The following E2F7 variants were observed in gnomAD, a reference collection of about 807,000 sequenced individuals.
E2F7 encodes the protein E2F transcription factor 7.
A neutral mutation model predicts 81.1 loss-of-function variants in E2F7; 35 were observed. That is an observed-to-expected ratio of 0.43 (90% CI 0.33 to 0.57). The LOEUF is 0.57. E2F7 is among the 20% of genes least tolerant of loss of function. E2F7 has a pLI of 0.04. For synonymous variants in E2F7, 416 were observed against 416.2 expected (o/e 1.00, Z 0.01); for missense variants, 961 against 1,093.7 (o/e 0.88, Z 1.71).
chr12:77,051,955 T>C (rs552508492), intron 3 of E2F7, among the ~76,000 whole-genome samples: 7 of 152,316 alleles, frequency 4.6e-5, no homozygotes, highest in East Asian at 3.9e-4. Flanking sequence ...TTTTAGAATT[T>C]AGCAAGGTAG....
Position 77,055,997 on chromosome 12 carries a change from T to C in E2F7, c.227A>G (p.Gln76Arg), listed in dbSNP as rs762751591. 1 of 1,614,244 alleles carries C rather than the reference T, an allele frequency of 6.2e-7. No individual in the cohort carries two copies. Among genetic ancestry groups the C allele is most frequent in the South Asian group, 1.1e-5 (1 of 91,090 alleles). ...PITPVKFVDR[Q>R]QAEPWTPTAN... ...TGTGGGTGTCCATGGTTCCGCTTGCTGTCTGTCAACAAACTTAACTGGAGT... is the reference window on the plus strand; with the variant it reads ...TGTGGGTGTCCATGGTTCCGCTTGCCGTCTGTCAACAAACTTAACTGGAGT... The change falls in exon 3 of 13, where the codon CAG becomes CGG. Residue 76 changes from glutamine to arginine, a missense_variant. Coordinates refer to ENST00000322886, the MANE Select transcript of E2F7 (RefSeq NM_203394.3).
At chr12:77,027,768 T>C (rs1665222613) in intron 11 of E2F7, 115 bp downstream of exon 11, 1 of 1,395,976 alleles carries the variant, frequency 7.2e-7, no homozygotes, top group African/African-American at 1.5e-5. Context: ...AAGAGTAAAA[T>C]GACTCAGGCA....
At chr12:77,059,960 CAAAAA>C (rs59663589) in intron 2 of E2F7, among the ~76,000 whole-genome samples, 1 of 77,216 alleles carries the variant, frequency 1.3e-5, no homozygotes. Context: ...GATTCTGTCT[CAAAAA>C]AAAAAAAAAA....
At chr12:77,045,026 AT>A (rs1954927165) in intron 5 of E2F7, among the ~76,000 whole-genome samples, 2 of 152,202 alleles carry the variant, frequency 1.3e-5, no homozygotes, top group South Asian at 4.1e-4. Flanking sequence ...TGAGATGCAT[AT>A]TTTAAACCAC....
At chr12:77,045,062 T>TATA (rs951544487) in intron 5 of E2F7, among the ~76,000 whole-genome samples, 11 of 152,196 alleles carry the variant, frequency 7.2e-5, no homozygotes, top group African/African-American at 2.7e-4. Flanking sequence ...TTATACTTCC[T>TATA]ATAATAGAAT....
At position 77,033,965 on chromosome 12, in the gene E2F7, C is replaced by T; in HGVS notation, c.1201G>A (p.Ala401Thr). ...CCATGGCGAGCCAGCTTCTGTTTTG[C>T]ACAGACTTGAATCTGGCCATATGTT... ...RETYGQIQVC[A>T]KQKLARHGSF... Residue 401 changes from alanine (A) to threonine (T), a missense_variant, in exon 8 of 13, where the codon GCA (alanine) becomes ACA (threonine). Physicochemically the swap from Ala to Thr is moderately conservative, Grantham distance 58 (BLOSUM62 0). Coordinates refer to ENST00000322886, the MANE Select transcript of E2F7 (RefSeq NM_203394.3). The T allele has an allele frequency of 1.9e-6, 3 of 1,614,194 alleles. No homozygotes were observed. The highest frequency in any genetic ancestry group is 1.3e-5 in the African/African-American group (1 of 75,048).
chr12:77,034,040 C>T lies in E2F7; in HGVS notation c.1126G>A (p.Glu376Lys), dbSNP rs572030615. The T allele has an allele frequency of 6.2e-7, 1 of 1,611,204 alleles. No homozygotes were observed. Among genetic ancestry groups the T allele is most frequent in the East Asian group, 2.2e-5 (1 of 44,836 alleles). Residue 376 changes from glutamate (E) to lysine (K), a missense_variant and splice_region_variant, in exon 8 of 13, where the codon GAA (glutamate) becomes AAA (lysine). Around this residue, in one of 3 missense-constraint regions of E2F7, gnomAD observed 301 missense variants for 405.0 expected, o/e 0.74. Transcript: ENST00000322886. ...GATGCAGAAACATCCACCAGTTCTT[C>T]ATCTACATAAACGAGAGAATTGGTA... ...IGPVDFSSSDEELVDVSASVL... is the reference protein window; with the variant it reads ...IGPVDFSSSDKELVDVSASVL...
At chr12:77,044,602 T>C (rs1229049536) in intron 6 of E2F7, 35 bp downstream of exon 6, 2 of 1,605,594 alleles carry the variant, frequency 1.2e-6, no homozygotes, top group Non-Finnish European at 1.7e-6. Flanking sequence ...CCACCCTTTA[T>C]GTGCTAGTAA....
chr12:77,060,302 G>A (rs1159198471), intron 2 of E2F7, among the ~76,000 whole-genome samples: 1 of 152,054 alleles, frequency 6.6e-6, no homozygotes, highest in Non-Finnish European at 1.5e-5. Flanking sequence ...ACCTACCATA[G>A]AGTTGCTGTG....
At chr12:77,052,649 C>T (rs560347871) in intron 3 of E2F7, among the ~76,000 whole-genome samples, 2 of 151,918 alleles carry the variant, frequency 1.3e-5, no homozygotes, top group East Asian at 3.9e-4. Context: ...TCTTCAGACA[C>T]AAAAAACATT....
At chr12:77,042,984 C>G (rs553206342) in intron 7 of E2F7, 81 bp downstream of exon 7, 1 of 1,598,650 alleles carries the variant, frequency 6.3e-7, no homozygotes, top group Admixed American at 1.7e-5. Flanking sequence ...ATCAGTCTCA[C>G]TGTGTAGTAG....
intron 7 of E2F7, among the ~76,000 whole-genome samples, chr12:77,042,429 C>T (rs1565903323): frequency 3.9e-5 from 6 of 152,160 alleles, no homozygotes; most frequent in Admixed American, 2.6e-4. Flanking sequence ...TTTTCCCAGG[C>T]AGTACAGCTA....
At chr12:77,027,432 G>A (rs774821860) in intron 11 of E2F7, among the ~76,000 whole-genome samples, 3 of 151,660 alleles carry the variant, frequency 2.0e-5, no homozygotes, top group Non-Finnish European at 4.4e-5. Context: ...TGAGGATGAA[G>A]AATACTTAAG....
chr12:77,027,866 A>T lies in E2F7; in HGVS notation c.2140+17T>A, dbSNP rs1483107240. 6.2e-7 allele frequency: 1 copy of T among 1,613,112 alleles called. No individual in the cohort carries two copies. The highest frequency in any genetic ancestry group is 1.7e-5 in the Admixed American group (1 of 59,794). ...TGACTGCCGCAAGGGACTCTAAGAC[A>T]TGATGACATCCCTTACCTGCAGGAG... On this transcript the variant is annotated intron_variant, in intron 11 of 12. Coordinates refer to ENST00000322886, the MANE Select transcript of E2F7 (RefSeq NM_203394.3).
intron 6 of E2F7, 189 bp downstream of exon 6, chr12:77,044,448 G>T: frequency 1.5e-6 from 1 of 657,364 alleles, no homozygotes. Flanking sequence ...GGCACTGACA[G>T]GACTCTAAGC....
chr12:77,034,929 T>C (rs1230452283), intron 7 of E2F7, among the ~76,000 whole-genome samples: 5 of 152,126 alleles, frequency 3.3e-5, no homozygotes, highest in Non-Finnish European at 7.4e-5. Flanking sequence ...AAAGCCCAAT[T>C]AGAAAAATCA....
chr12:77,030,965 T>C (rs901810651), intron 9 of E2F7, among the ~76,000 whole-genome samples: 3 of 152,216 alleles, frequency 2.0e-5, no homozygotes, highest in Non-Finnish European at 4.4e-5. Context: ...AAGTGGACAG[T>C]GAGGAAACAA....
rs757025418 is a variant in E2F7 at position 77,027,963 on chromosome 12, T to G, written c.2060A>C (p.Asp687Ala). The G allele has an allele frequency of 6.2e-7, 1 of 1,614,222 alleles. No homozygotes were observed. The highest frequency in any genetic ancestry group is 1.3e-5 in the African/African-American group (1 of 75,058). The change falls in exon 11 of 13, where the codon GAT (aspartate) becomes GCT (alanine). Residue 687 changes from aspartate (D) to alanine (A), a missense_variant. Asp to Ala is a moderately radical substitution (Grantham distance 126). Coordinates refer to ENST00000322886, the MANE Select transcript of E2F7 (RefSeq NM_203394.3). ...ATTTTCTTTTGAAGGCTTTTCAACA[T>G]CTGTATTTCTTGAAGGATTTCCCCA... ...SEWGNPSRNT[D>A]VEKPSKENES... is the part of the protein sequence containing the mutation.
chr12:77,025,384 C>T (rs1402469830), intron 12 of E2F7, among the ~76,000 whole-genome samples, 174 bp downstream of exon 12: 1 of 152,164 alleles, frequency 6.6e-6, no homozygotes, highest in Admixed American at 6.5e-5. Context: ...CAGGATCTCT[C>T]ACCTCATGTC....
Sources: allele counts gnomAD v4.1 joint callset (sites outside exome capture counted in the v4.1 genomes callset), GRCh38; gene constraint gnomAD v4.1.1; regional missense constraint gnomAD v4.1.1; transcripts MANE v1.5; gene names NCBI Gene and HGNC (gene_info 2026-07-23, HGNC 2026-07-21).